DCLK1: variants seen among roughly 807,000 people sequenced by gnomAD.
DCLK1 encodes serine/threonine-protein kinase DCLK1.
In DCLK1, 16 loss-of-function variants were observed where a neutral mutation model predicts 86.2. The observed-to-expected ratio is 0.19, with a 90% CI of 0.13 to 0.28. DCLK1 has a LOEUF of 0.28. Among genes scored for constraint, DCLK1 ranks in the 10% least tolerant of loss-of-function variants. The pLI is 1.00. For missense variants in DCLK1, 590 were observed against 940.2 expected (o/e 0.63, Z 4.87); for synonymous variants, 369 against 370.5 (o/e 1.00, Z 0.05).
chr13:36,035,809 C>G (rs1171006), intron 3 of DCLK1, among the ~76,000 whole-genome samples: 137,388 of 152,164 alleles, frequency 0.9, 62,684 homozygotes, highest in Non-Finnish European at 0.98. Flanking sequence ...TAGACAAGCA[C>G]TGGTCAATTA....
intron 6 of DCLK1, chr13:35,850,920 GATA>G (rs1870578069): frequency 1.6e-6 from 1 of 638,300 alleles, no homozygotes; most frequent in Non-Finnish European, 2.4e-6. Context: ...TAGGAGGAAA[GATA>G]ATAATAGAGA....
chr13:35,962,448 G>A (rs1419070371), intron 3 of DCLK1, among the ~76,000 whole-genome samples: 1 of 152,138 alleles, frequency 6.6e-6, no homozygotes, highest in African/African-American at 2.4e-5. Context: ...GGAGAGGCCT[G>A]GGAATGATTC....
At chr13:36,121,056 C>T (rs548680348) in intron 2 of DCLK1, among the ~76,000 whole-genome samples, 1 of 152,218 alleles carries the variant, frequency 6.6e-6, no homozygotes, top group South Asian at 2.1e-4. Context: ...AAACATCTAT[C>T]CAAGGATAGT....
intron 16 of DCLK1, among the ~76,000 whole-genome samples, chr13:35,777,945 C>T (rs1270969819): frequency 6.6e-6 from 1 of 152,218 alleles, no homozygotes; most frequent in African/African-American, 2.4e-5. Flanking sequence ...TCCTAATTAA[C>T]TGTTTTCCCT....
intron 16 of DCLK1, among the ~76,000 whole-genome samples, chr13:35,786,041 G>T (rs1315581247): frequency 6.6e-6 from 1 of 152,200 alleles, no homozygotes; most frequent in African/African-American, 2.4e-5. Context: ...GGAAAACAGA[G>T]CACTTTATGT....
intron 2 of DCLK1, among the ~76,000 whole-genome samples, chr13:36,122,159 A>G (rs1257330257): frequency 6.6e-6 from 1 of 152,200 alleles, no homozygotes; most frequent in East Asian, 1.9e-4. Flanking sequence ...TGGGTAACCC[A>G]GAGGCTGTGG....
chr13:36,077,324 A>C (rs558793735), intron 3 of DCLK1, among the ~76,000 whole-genome samples: 1 of 152,170 alleles, frequency 6.6e-6, no homozygotes, highest in African/African-American at 2.4e-5. Context: ...TCAACTACTC[A>C]TTATGTTACC....
chr13:35,779,268 G>A (rs920515324), intron 16 of DCLK1, among the ~76,000 whole-genome samples: 5 of 152,006 alleles, frequency 3.3e-5, no homozygotes, highest in Middle Eastern at 3.2e-3. Flanking sequence ...GAGCCACTGC[G>A]CCCGGCCAAT....
intron 4 of DCLK1, among the ~76,000 whole-genome samples, chr13:35,946,496 C>A (rs138138347): frequency 6.6e-6 from 1 of 152,208 alleles, no homozygotes; most frequent in Non-Finnish European, 1.5e-5. Context: ...ATTGTTAATG[C>A]TCAAGTGTTG....
At chr13:35,999,896 C>A (rs977397044) in intron 3 of DCLK1, among the ~76,000 whole-genome samples, 1 of 152,158 alleles carries the variant, frequency 6.6e-6, no homozygotes, top group Admixed American at 6.5e-5. Context: ...ACACAAATAG[C>A]AGCAATCATT....
intron 16 of DCLK1, among the ~76,000 whole-genome samples, chr13:35,787,149 T>C (rs756534977): frequency 6.6e-6 from 1 of 151,640 alleles, no homozygotes; most frequent in Non-Finnish European, 1.5e-5. Context: ...TGTGCATATA[T>C]ACACACATAC....
chr13:36,051,457 T>G (rs1883120202), intron 3 of DCLK1, among the ~76,000 whole-genome samples: 1 of 152,152 alleles, frequency 6.6e-6, no homozygotes, highest in Admixed American at 6.6e-5. Context: ...AATTTTTTTT[T>G]ATTTCTTTAA....
chr13:36,055,835 A>C (rs1299463333), intron 3 of DCLK1, among the ~76,000 whole-genome samples: 1 of 152,232 alleles, frequency 6.6e-6, no homozygotes, highest in Non-Finnish European at 1.5e-5. Context: ...AAAAATATAA[A>C]AAGGCATAAA....
chr13:35,999,328 G>A (rs1022408166), intron 3 of DCLK1, among the ~76,000 whole-genome samples: 3 of 152,128 alleles, frequency 2.0e-5, no homozygotes, highest in Non-Finnish European at 4.4e-5. Context: ...CAATGGATAT[G>A]ACATTCACTC....
chr13:35,937,116 C>A (rs909601331), intron 4 of DCLK1, among the ~76,000 whole-genome samples: 7 of 149,284 alleles, frequency 4.7e-5, no homozygotes, highest in Admixed American at 1.4e-4. Flanking sequence ...ACTACAGGCA[C>A]CCGCCACCAT....
chr13:35,882,053 C>T (rs947751414), intron 4 of DCLK1, among the ~76,000 whole-genome samples: 14 of 152,122 alleles, frequency 9.2e-5, no homozygotes, highest in Admixed American at 2.6e-4. Flanking sequence ...TTAAAATGAC[C>T]AAAATATATT....
intron 3 of DCLK1, among the ~76,000 whole-genome samples, chr13:35,974,732 C>T (rs1375186640): frequency 2.0e-5 from 3 of 152,190 alleles, no homozygotes; most frequent in Non-Finnish European, 4.4e-5. Flanking sequence ...CATGAGCCAA[C>T]TAAACCTCTT....
rs377643338 is a variant in DCLK1 at position 35,980,957 on chromosome 13, C to T, written c.724-33500G>A. ...ACAGGTGTGAGCCACCATGCCCAGC[C>T]CTAGTCCTGAATATGAAGACACAAA... On this transcript the variant is annotated intron_variant, in intron 3 of 16. Transcript: ENST00000360631. Among the ~76,000 whole-genome samples, 38 of 152,130 alleles carry T rather than the reference C, an allele frequency of 2.5e-4. No individual in the cohort carries two copies. The South Asian group carries it at 7.1e-3, about 28-fold the overall frequency.
intron 3 of DCLK1, among the ~76,000 whole-genome samples, chr13:36,089,952 C>T (rs574438064): frequency 1.2e-4 from 18 of 152,158 alleles, no homozygotes; most frequent in East Asian, 1.9e-4. Flanking sequence ...TCCAGATGTG[C>T]GTTTGCAATT....
Sources: allele counts gnomAD v4.1 joint callset (sites outside exome capture counted in the v4.1 genomes callset), GRCh38; gene constraint gnomAD v4.1.1; transcripts MANE v1.5; gene names NCBI Gene and HGNC (gene_info 2026-07-23, HGNC 2026-07-21).